Variants in DHRS12 observed in about 807,000 individuals in gnomAD.
DHRS12 encodes the protein dehydrogenase/reductase SDR family member 12.
In DHRS12, 29 loss-of-function variants were observed where a neutral mutation model predicts 32.1. The observed-to-expected ratio is 0.90, with a 90% confidence interval of 0.67 to 1.23. The LOEUF is 1.23. Among genes scored for constraint, DHRS12 ranks in the 50% most tolerant of loss-of-function variants. The probability of loss-of-function intolerance (pLI) is 0.00; values close to 1 mark genes in which losing one functional copy is unlikely to be tolerated. For missense variants in DHRS12, 330 were observed against 337.2 expected (o/e 0.98, Z 0.17); for synonymous variants, 150 against 135.9 (o/e 1.10, Z -0.72).
In DHRS12 at chr13:51,771,787, G is replaced by A. The variant is rs199994389; in HGVS notation, c.559+34C>T. On this transcript the variant is annotated intron_variant, in intron 7 of 8. Transcript: ENST00000444610. ...CTGCTCAGGTATTTTTAGATGAAAC[G>A]TAAGTGGCTCAGCAATTAAAGGCTA... 478 of 1,609,388 alleles carry A rather than the reference G, an allele frequency of 3.0e-4. 6 individuals are homozygous for A. In the African/African-American group the frequency reaches 4.2e-3, roughly 14 times the overall value.
intron 5 of DHRS12, 136 bp downstream of exon 5, chr13:51,776,922 CCT>C: frequency 2.1e-6 from 2 of 930,418 alleles, no homozygotes; most frequent in East Asian, 2.6e-5. Context: ...CTCTCGGCCC[CCT>C]GACAGAATTG....
At chr13:51,792,778 T>C (rs1002800591) in intron 2 of DHRS12, among the ~76,000 whole-genome samples, 8 of 152,224 alleles carry the variant, frequency 5.3e-5, no homozygotes, top group African/African-American at 1.7e-4. Flanking sequence ...GGTTATAAGT[T>C]ACGTCGTTGT....
intron 2 of DHRS12, among the ~76,000 whole-genome samples, chr13:51,796,919 T>A (rs1249026173): frequency 6.6e-6 from 1 of 152,226 alleles, no homozygotes; most frequent in East Asian, 1.9e-4. Flanking sequence ...AAAATGTTAT[T>A]TCAAAGTTGA....
intron 4 of DHRS12, among the ~76,000 whole-genome samples, chr13:51,784,488 T>C (rs917485986): frequency 2.0e-5 from 3 of 152,008 alleles, no homozygotes; most frequent in African/African-American, 2.4e-5. Flanking sequence ...GGAAATACAT[T>C]TGGACAGGAG....
intron 7 of DHRS12, among the ~76,000 whole-genome samples, chr13:51,770,386 A>G (rs940665729): frequency 2.6e-5 from 4 of 152,156 alleles, no homozygotes; most frequent in Non-Finnish European, 5.9e-5. Flanking sequence ...CAGATGATAG[A>G]GCCCGCTGGT....
chr13:51,768,410 A>G (rs1058141), intron 8 of DHRS12, 114 bp from the exon 9 acceptor site: 142,564 of 1,489,606 alleles, frequency 0.096, 8,939 homozygotes, highest in Admixed American at 0.25. Flanking sequence ...AGCACCCTAC[A>G]GCTGTTAGAC....
downstream of DHRS12, chr13:51,763,465 C>G (rs1438023251): frequency 6.6e-6 from 1 of 152,214 alleles, no homozygotes; most frequent in Admixed American, 6.5e-5. Context: ...ACAGCACTGC[C>G]CTTATGGAAT....
chr13:51,760,542 C>T, the DHRS12 span: 5 of 152,114 alleles, frequency 3.3e-5, no homozygotes, highest in African/African-American at 1.2e-4. Flanking sequence ...CGATCAGTGC[C>T]TGGATCATTT....
chr13:51,792,111 A>G (rs1041530758), intron 2 of DHRS12, among the ~76,000 whole-genome samples: 6 of 152,114 alleles, frequency 3.9e-5, no homozygotes, highest in African/African-American at 1.4e-4. Context: ...TTGGATAAGT[A>G]CCCAGAAGTG....
At chr13:51,774,600 A>AGTACAT (rs1566279614) in intron 5 of DHRS12, 1 of 5,540 alleles carries the variant, frequency 1.8e-4, no homozygotes, top group African/African-American at 7.8e-4. Context: ...ATTCTCCTAC[A>AGTACAT]GTATTCTCCT....
In DHRS12 at chr13:51,774,056, T is replaced by C. The variant is rs150173544; in HGVS notation, c.364-22A>G. 4.0e-4 allele frequency: 643 copies of C among 1,609,458 alleles called. 5 individuals carry two copies. The African/African-American group carries it at 7.3e-3, about 18-fold the overall frequency. On this transcript the variant is annotated intron_variant, in intron 5 of 8. Transcript: ENST00000444610. ...TTATCTGCAATAAAGGTAACAGAGA[T>C]TTACAAACTAAAGCCTGTGACCCCT...
At chr13:51,772,241 A>C (rs1237001007) in intron 6 of DHRS12, among the ~76,000 whole-genome samples, 1 of 152,056 alleles carries the variant, frequency 6.6e-6, no homozygotes, top group Non-Finnish European at 1.5e-5. Context: ...GGGTGACTCT[A>C]TTCTTTGCTG....
chr13:51,791,285 A>C lies in DHRS12; in HGVS notation c.127-28T>G, dbSNP rs201126891. ...AAATTAGAAAGCAAAAAAAAAAAAA[A>C]CCCTTTTTAAAAAGATATAAACTAG... On this transcript the variant is annotated intron_variant, in intron 2 of 8. Transcript: ENST00000444610. The C allele has an allele frequency of 1.6e-3, 1,813 of 1,169,330 alleles. 25 individuals carry two copies. In the African/African-American group the frequency reaches 0.022, roughly 14 times the overall value. The allele number at this position is 1,169,330 out of a possible 1,614,324, so 72.4% of individuals were successfully genotyped here.
intron 4 of DHRS12, chr13:51,777,397 G>T (rs907955758): frequency 2.2e-6 from 1 of 464,156 alleles, no homozygotes; most frequent in Non-Finnish European, 3.9e-6. Flanking sequence ...CCAAACCGTA[G>T]ATGGGTCCAC....
chr13:51,763,931 C>G (rs766947265), downstream of DHRS12: 16 of 152,096 alleles, frequency 1.1e-4, no homozygotes, highest in Non-Finnish European at 1.9e-4. Flanking sequence ...AAATGAGATT[C>G]CTTTGGTTAT....
the DHRS12 span, among the ~76,000 whole-genome samples, chr13:51,759,110 A>T: frequency 6.6e-6 from 1 of 152,196 alleles, no homozygotes; most frequent in Non-Finnish European, 1.5e-5. Flanking sequence ...GAGCCCAGTA[A>T]GTCGAGGCTG....
Position 51,804,121 on chromosome 13 carries a change from C to A in DHRS12, c.-76G>T, listed in dbSNP as rs1221597737. 1 of 1,482,344 alleles carries A rather than the reference C, an allele frequency of 6.7e-7. No homozygotes were observed. Among genetic ancestry groups the A allele is most frequent in the South Asian group, 1.3e-5 (1 of 79,126 alleles). The allele number at this position is 1,482,344 out of a possible 1,614,324, so 91.8% of individuals were successfully genotyped here. A position where few individuals can be genotyped will look rare whatever the true frequency, so the allele number is the denominator to read the frequency against. ...CGGTACAGGGACATGCCGGGAGCGC[C>A]CCACGCCTAGCCCCACCGCGCTCCC... On this transcript the variant is annotated 5_prime_UTR_variant, in exon 1 of 9. Coordinates refer to ENST00000444610, the MANE Select transcript of DHRS12 (RefSeq NM_001377533.1).
At chr13:51,776,957 A>G (rs1954450156) in intron 5 of DHRS12, 103 bp downstream of exon 5, 1 of 1,314,680 alleles carries the variant, frequency 7.6e-7, no homozygotes, top group African/African-American at 1.4e-5. Context: ...GGATGTGGAC[A>G]GAATGGCCCC....
chr13:51,791,261 A>T lies in DHRS12; in HGVS notation c.127-4T>A, dbSNP rs1198151668. The T allele has an allele frequency of 6.9e-7, 1 of 1,458,822 alleles. No individual in the cohort carries two copies. Among genetic ancestry groups the T allele is most frequent in the African/African-American group, 1.5e-5 (1 of 68,324 alleles). 90.4% of individuals were successfully genotyped at this position (1,458,822 alleles called of 1,614,324 possible). ...CCACAATGTGCAGAAAAATGTTCTA[A>T]ATTAGAAAGCAAAAAAAAAAAAAAC... On this transcript the variant is annotated splice_region_variant and splice_polypyrimidine_tract_variant and intron_variant, in intron 2 of 8. Coordinates refer to ENST00000444610, the MANE Select transcript of DHRS12 (RefSeq NM_001377533.1).
Sources: allele counts gnomAD v4.1 joint callset (sites outside exome capture counted in the v4.1 genomes callset), GRCh38; gene constraint gnomAD v4.1.1; transcripts MANE v1.5; gene names NCBI Gene and HGNC (gene_info 2026-07-23, HGNC 2026-07-21).